The following KIF16B variants were observed in gnomAD, a reference collection of about 807,000 sequenced individuals.
KIF16B encodes kinesin family member 16B.
KIF16B carries 98 observed loss-of-function variants against 156.3 expected under a neutral mutation model. The observed-to-expected ratio is 0.63, with a 90% CI of 0.53 to 0.74. The LOEUF (loss-of-function observed/expected upper bound fraction) is 0.74, where lower values mean the gene tolerates loss of function less well. KIF16B is among the 30% of genes least tolerant of loss of function. The probability of loss-of-function intolerance (pLI) is 0.00; values close to 1 mark genes in which losing one functional copy is unlikely to be tolerated. For synonymous variants in KIF16B, 564 were observed against 583.7 expected, an observed-to-expected ratio of 0.97 and a Z score of 0.49; for missense variants, 1,421 against 1,606.5, an observed-to-expected ratio of 0.88 and a Z score of 1.97.
intron 25 of KIF16B, among the ~76,000 whole-genome samples, chr20:16,304,472 C>T (rs2063514512): frequency 6.6e-6 from 1 of 152,156 alleles, no homozygotes; most frequent in Non-Finnish European, 1.5e-5. Flanking sequence ...AGCCACTAAA[C>T]ATAACACCTT....
intron 15 of KIF16B, among the ~76,000 whole-genome samples, chr20:16,426,007 A>ATTTTAAAT (rs2066341741): frequency 2.0e-5 from 3 of 152,188 alleles, no homozygotes; most frequent in African/African-American, 7.2e-5. Flanking sequence ...AATGCCACAC[A>ATTTTAAAT]CTTTTAAATC....
intron 9 of KIF16B, among the ~76,000 whole-genome samples, chr20:16,505,250 A>G (rs75436011): frequency 0.055 from 8,399 of 152,170 alleles, 329 homozygotes; most frequent in East Asian, 0.11. Flanking sequence ...TTTTTTCTCT[A>G]TTCTGCTTCT....
chr20:16,545,057 G>C (rs553181145), intron 1 of KIF16B, among the ~76,000 whole-genome samples: 2 of 152,250 alleles, frequency 1.3e-5, no homozygotes, highest in Admixed American at 6.5e-5. Flanking sequence ...CAGAAATGAA[G>C]CTTGTTTCTC....
intron 3 of KIF16B, among the ~76,000 whole-genome samples, chr20:16,517,797 CA>C (rs1440338113): frequency 2.0e-5 from 3 of 152,122 alleles, no homozygotes; most frequent in Admixed American, 1.3e-4. Context: ...AAACAAAACA[CA>C]AAAGGCAAAT....
chr20:16,515,111 G>A (rs557564264), intron 4 of KIF16B, among the ~76,000 whole-genome samples: 13 of 151,858 alleles, frequency 8.6e-5, no homozygotes, highest in Admixed American at 5.2e-4. Flanking sequence ...ACTTTTTAAT[G>A]TATTTTCAGG....
chr20:16,374,146 T>C, intron 20 of KIF16B, 111 bp downstream of exon 20: 1 of 1,076,384 alleles, frequency 9.3e-7, no homozygotes, highest in Non-Finnish European at 1.3e-6. Context: ...GCACGTGTAT[T>C]ACTTGTTGCC....
intron 25 of KIF16B, among the ~76,000 whole-genome samples, chr20:16,282,225 G>A (rs1371413283): frequency 6.6e-6 from 1 of 151,758 alleles, no homozygotes; most frequent in Non-Finnish European, 1.5e-5. Flanking sequence ...TAGAGATGGG[G>A]TTTCACCATG....
chr20:16,431,999 C>A (rs2066516635), intron 12 of KIF16B, among the ~76,000 whole-genome samples: 1 of 151,628 alleles, frequency 6.6e-6, no homozygotes, highest in Non-Finnish European at 1.5e-5. Flanking sequence ...TTTCATGTCC[C>A]ACTCATCAAT....
intron 15 of KIF16B, among the ~76,000 whole-genome samples, chr20:16,413,062 C>T (rs539222059): frequency 1.1e-3 from 166 of 152,014 alleles, no homozygotes; most frequent in African/African-American, 3.9e-3. Context: ...AAGATTCCTT[C>T]CAGATCTTAA....
chr20:16,468,388 A>G (rs2067556051), intron 12 of KIF16B, among the ~76,000 whole-genome samples: 2 of 152,014 alleles, frequency 1.3e-5, no homozygotes, highest in Admixed American at 6.5e-5. Context: ...CCTGGCCAAC[A>G]TGGCGAAACT....
chr20:16,472,247 AAT>A, intron 12 of KIF16B, among the ~76,000 whole-genome samples: 1 of 152,198 alleles, frequency 6.6e-6, no homozygotes, highest in Non-Finnish European at 1.5e-5. Flanking sequence ...CAGGGCCTAA[AAT>A]ATTTACTATC....
intron 3 of KIF16B, among the ~76,000 whole-genome samples, chr20:16,515,918 T>C (rs549217864): frequency 6.6e-6 from 1 of 152,268 alleles, no homozygotes; most frequent in South Asian, 2.1e-4. Context: ...TCATGAAGTA[T>C]AAAAATGTAA....
chr20:16,503,788 G>C (rs1600563492), intron 10 of KIF16B, among the ~76,000 whole-genome samples: 1 of 152,274 alleles, frequency 6.6e-6, no homozygotes, highest in Middle Eastern at 3.4e-3. Flanking sequence ...GAAGCTTACT[G>C]AGAAAATCAC....
chr20:16,398,319 G>A (rs547268791), intron 17 of KIF16B, among the ~76,000 whole-genome samples: 4 of 152,328 alleles, frequency 2.6e-5, no homozygotes, highest in Admixed American at 6.5e-5. Flanking sequence ...GGAGAACAAA[G>A]TCAGAGATGA....
At chr20:16,374,137 C>T in intron 20 of KIF16B, 120 bp downstream of exon 20, 1 of 967,698 alleles carries the variant, frequency 1.0e-6, no homozygotes, top group Non-Finnish European at 1.4e-6. Context: ...ACATCTCAAG[C>T]ACGTGTATTA....
intron 3 of KIF16B, among the ~76,000 whole-genome samples, chr20:16,525,826 C>A (rs2069520917): frequency 6.6e-6 from 1 of 152,098 alleles, no homozygotes; most frequent in East Asian, 1.9e-4. Context: ...AAACAGGAAC[C>A]ATATCCAAGT....
At chr20:16,373,889 A>G (rs78403726) in intron 20 of KIF16B, among the ~76,000 whole-genome samples, 14,248 of 152,322 alleles carry the variant, frequency 0.094, 822 homozygotes, top group Non-Finnish European at 0.14. Context: ...AAGATTGAAA[A>G]TACATGGAGG....
chr20:16,538,278 C>T (rs1229923520), intron 1 of KIF16B, among the ~76,000 whole-genome samples: 1 of 152,174 alleles, frequency 6.6e-6, no homozygotes, highest in African/African-American at 2.4e-5. Context: ...AACTACAACG[C>T]CAGGCACTGA....
intron 15 of KIF16B, among the ~76,000 whole-genome samples, chr20:16,410,354 T>TAG (rs1202164128): frequency 7.4e-5 from 11 of 149,130 alleles, no homozygotes; most frequent in South Asian, 2.1e-4. Flanking sequence ...TATATATATA[T>TAG]AGAGAGAGAG....
Sources: gnomAD v4.1 joint callset for allele counts (sites outside exome capture counted in the v4.1 genomes callset) on GRCh38, gnomAD v4.1.1 for gene constraint, MANE v1.5 for transcripts, NCBI Gene and HGNC (gene_info 2026-07-23, HGNC 2026-07-21) for gene names.